FGF14: variants seen among roughly 807,000 people sequenced by gnomAD.
The protein encoded by FGF14 is fibroblast growth factor homologous factor 4.
A neutral mutation model predicts 25.5 loss-of-function variants in FGF14; 5 were observed. The observed-to-expected ratio is 0.20, with a 90% CI of 0.10 to 0.41. The LOEUF is 0.41. Ranked by LOEUF, FGF14 falls within the 10% of genes least tolerant of loss-of-function variation. FGF14 has a pLI of 1.00. For synonymous variants in FGF14, 138 were observed against 118.3 expected (o/e 1.17, Z -1.08); for missense variants, 222 against 320.1 (o/e 0.69, Z 2.34).
chr13:101,895,506 A>G (rs1241053593), intron 1 of FGF14, among the ~76,000 whole-genome samples: 1 of 152,198 alleles, frequency 6.6e-6, no homozygotes, highest in East Asian at 1.9e-4. Context: ...ACATGAATGT[A>G]ACATGTTGTC....
intron 1 of FGF14, among the ~76,000 whole-genome samples, chr13:102,052,849 CAT>C (rs911019096): frequency 2.0e-5 from 3 of 152,012 alleles, no homozygotes; most frequent in African/African-American, 7.2e-5. Context: ...GTACAGAACT[CAT>C]AAATAAAAGT....
chr13:101,808,288 C>G (rs534256197), intron 3 of FGF14, among the ~76,000 whole-genome samples: 3 of 151,844 alleles, frequency 2.0e-5, no homozygotes, highest in African/African-American at 7.2e-5. Context: ...ATCTCTCATC[C>G]CTATTCCTTC....
At chr13:102,225,123 C>T (rs1348430410) in intron 1 of FGF14, among the ~76,000 whole-genome samples, 2 of 152,138 alleles carry the variant, frequency 1.3e-5, no homozygotes, top group Non-Finnish European at 2.9e-5. Context: ...GAGAGCTCCT[C>T]CTCCTGTGAG....
At chr13:102,253,015 C>T (rs2052262667) in intron 1 of FGF14, among the ~76,000 whole-genome samples, 1 of 152,206 alleles carries the variant, frequency 6.6e-6, no homozygotes, top group South Asian at 2.1e-4. Flanking sequence ...TTTTTTATGG[C>T]TGCATAGTAT....
chr13:102,082,351 T>C (rs2043665460), intron 1 of FGF14, among the ~76,000 whole-genome samples: 1 of 152,144 alleles, frequency 6.6e-6, no homozygotes, highest in Non-Finnish European at 1.5e-5. Flanking sequence ...TTAGCTTGTA[T>C]TCATTACAGA....
intron 1 of FGF14, among the ~76,000 whole-genome samples, chr13:101,897,933 T>TCA (rs2030949037): frequency 6.6e-6 from 1 of 152,140 alleles, no homozygotes; most frequent in Admixed American, 6.6e-5. Context: ...CTTACTCTGT[T>TCA]GCCCAGGCTG....
chr13:102,268,158 G>A (rs2053081330), intron 1 of FGF14, among the ~76,000 whole-genome samples: 1 of 152,116 alleles, frequency 6.6e-6, no homozygotes, highest in Admixed American at 6.6e-5. Flanking sequence ...TGAGCACTTT[G>A]AGGACAAAAT....
chr13:101,793,495 C>G (rs2040353682), intron 3 of FGF14, among the ~76,000 whole-genome samples: 1 of 152,108 alleles, frequency 6.6e-6, no homozygotes, highest in African/African-American at 2.4e-5. Context: ...GACACTTCGA[C>G]TGATTCCATA....
intron 1 of FGF14, chr13:102,401,418 C>T (rs2058701294): frequency 6.5e-7 from 1 of 1,544,006 alleles, no homozygotes; most frequent in Non-Finnish European, 8.9e-7. Context: ...GCTCGATGAG[C>T]AACAGACAGG....
chr13:101,998,003 C>T (rs1282089481), intron 1 of FGF14, among the ~76,000 whole-genome samples: 4 of 151,936 alleles, frequency 2.6e-5, no homozygotes, highest in African/African-American at 7.3e-5. Context: ...TGTGTGTGTG[C>T]GTGGCCAGAG....
In FGF14 at chr13:101,712,228, A is replaced by C. The variant is rs544417803; in HGVS notation, c.*10603T>G. ...GCATTGACAAACAGGAAAGAATAAC[A>C]CAGCTGGGAAAATGCTGACCTAGAA... On this transcript the variant is annotated 3_prime_UTR_variant, in exon 5 of 5. Coordinates refer to ENST00000376143, the MANE Select transcript of FGF14 (RefSeq NM_004115.4). The C allele has an allele frequency of 2.0e-5, 3 of 152,316 alleles. No individual in the cohort carries two copies. The highest frequency in any genetic ancestry group is 7.2e-5 in the African/African-American group (3 of 41,580). The allele number at this position is 152,316 out of a possible 1,614,324, so 9.4% of individuals were successfully genotyped here.
chr13:101,924,179 T>C (rs141302522), intron 1 of FGF14, among the ~76,000 whole-genome samples: 6 of 152,262 alleles, frequency 3.9e-5, no homozygotes, highest in African/African-American at 1.2e-4. Flanking sequence ...AAAGTTCATT[T>C]ATAATCTCAA....
intron 1 of FGF14, among the ~76,000 whole-genome samples, chr13:102,058,305 C>T (rs545490650): frequency 6.6e-6 from 1 of 152,242 alleles, no homozygotes; most frequent in South Asian, 2.1e-4. Context: ...GTGAATAACA[C>T]GGAAATAAAA....
chr13:102,336,207 G>A (rs1314853935), intron 1 of FGF14, among the ~76,000 whole-genome samples: 1 of 152,200 alleles, frequency 6.6e-6, no homozygotes, highest in African/African-American at 2.4e-5. Context: ...AGTTTGCCAA[G>A]TGTAAATGTG....
At chr13:102,307,321 C>A (rs943454561) in intron 1 of FGF14, among the ~76,000 whole-genome samples, 2 of 152,090 alleles carry the variant, frequency 1.3e-5, no homozygotes, top group Non-Finnish European at 2.9e-5. Context: ...CAGGTGAGAT[C>A]CACAGGAGAC....
rs2058680803 is a variant in FGF14, at chr13:102,400,602, A to G, written c.208+869T>C. ...GGGAACCCCTGGGATCCGACTCCCC[A>G]AATCAGATGCATTTGCATTTCTTAT... On this transcript the variant is annotated intron_variant, in intron 1 of 4. Coordinates refer to the FGF14 transcript ENST00000376131. This position sits in a 1 kb window ranked among gnomAD's most constrained non-coding sequence, Gnocchi z 4.3. Among the ~76,000 whole-genome samples, 1 of 152,198 alleles carries G rather than the reference A, an allele frequency of 6.6e-6. No homozygotes were observed. Among genetic ancestry groups the G allele is most frequent in the Admixed American group, 6.5e-5 (1 of 15,286 alleles).
At chr13:102,258,629 G>A (rs565346419) in intron 1 of FGF14, among the ~76,000 whole-genome samples, 15 of 152,254 alleles carry the variant, frequency 9.9e-5, no homozygotes, top group East Asian at 3.9e-4. Flanking sequence ...CAGATGGGTC[G>A]CTCCACCATC....
chr13:101,995,162 GC>G (rs1480921551), intron 1 of FGF14, among the ~76,000 whole-genome samples: 1 of 152,032 alleles, frequency 6.6e-6, no homozygotes, highest in Non-Finnish European at 1.5e-5. Flanking sequence ...TATCTGAAGA[GC>G]AGTAATTTTC....
intron 3 of FGF14, among the ~76,000 whole-genome samples, chr13:101,755,263 CTACCCACCCTCTTAA>C (rs1220523839): frequency 2.0e-5 from 3 of 152,168 alleles, no homozygotes; most frequent in Non-Finnish European, 4.4e-5. Flanking sequence ...TCACTTCACA[CTACCCACCCTCTTAA>C]TCCTTGTATA....
Sources: gnomAD v4.1 joint callset for allele counts (sites outside exome capture counted in the v4.1 genomes callset) on GRCh38, gnomAD v4.1.1 for gene constraint, Gnocchi (gnomAD v3.1) non-coding constraint, MANE v1.5 for transcripts, NCBI Gene and HGNC (gene_info 2026-07-23, HGNC 2026-07-21) for gene names.